The following ELAPOR2 variants were observed in gnomAD, a reference collection of about 807,000 sequenced individuals.
The protein encoded by ELAPOR2 is endosome/lysosome-associated apoptosis and autophagy regulator family member 2.
Under a neutral mutation model 120.7 loss-of-function variants are expected in ELAPOR2, and 89 were observed. The ratio of observed to expected loss-of-function variants is 0.74; its 90% confidence interval spans 0.62 to 0.88. The LOEUF is 0.88. ELAPOR2 is among the 40% of genes least tolerant of loss of function. The pLI, the probability that ELAPOR2 is intolerant of heterozygous loss-of-function variation, is 0.00. For synonymous variants in ELAPOR2, 444 were observed against 444.9 expected (o/e 1.00, Z 0.03); for missense variants, 1,134 against 1,251.6 (o/e 0.91, Z 1.42).
intron 1 of ELAPOR2, among the ~76,000 whole-genome samples, chr7:87,033,175 A>G (rs987764708): frequency 6.6e-6 from 1 of 152,200 alleles, no homozygotes; most frequent in Non-Finnish European, 1.5e-5. Context: ...AGACAAATCT[A>G]TCCCAGCTTT....
chr7:86,958,103 A>G (rs1033454168), intron 2 of ELAPOR2, among the ~76,000 whole-genome samples: 4 of 152,144 alleles, frequency 2.6e-5, no homozygotes, highest in Non-Finnish European at 5.9e-5. Flanking sequence ...AATATATACT[A>G]GCAGTGTATT....
intron 1 of ELAPOR2, among the ~76,000 whole-genome samples, chr7:86,985,089 A>C (rs1399201561): frequency 2.0e-5 from 3 of 152,212 alleles, no homozygotes; most frequent in Non-Finnish European, 4.4e-5. Context: ...ATCTAGAAGA[A>C]ATTGATAAAT....
chr7:86,986,226 G>A (rs1158821766), intron 1 of ELAPOR2, among the ~76,000 whole-genome samples: 2 of 120,504 alleles, frequency 1.7e-5, no homozygotes, highest in African/African-American at 3.8e-5. Flanking sequence ...TCAGGAGATC[G>A]AGACCATCCC....
intron 1 of ELAPOR2, among the ~76,000 whole-genome samples, chr7:86,982,438 T>A (rs905272480): frequency 3.3e-5 from 5 of 152,118 alleles, no homozygotes; most frequent in African/African-American, 9.7e-5. Flanking sequence ...TATAGGTGGG[T>A]GCCCCTCTGG....
intron 21 of ELAPOR2, among the ~76,000 whole-genome samples, chr7:86,886,724 G>A (rs1387419139): frequency 1.3e-5 from 2 of 152,138 alleles, no homozygotes; most frequent in African/African-American, 4.8e-5. Context: ...TGCCCCAGTG[G>A]CATGTAGGCC....
At chr7:86,984,459 A>C (rs1164759572) in intron 1 of ELAPOR2, among the ~76,000 whole-genome samples, 1 of 152,232 alleles carries the variant, frequency 6.6e-6, no homozygotes, top group Non-Finnish European at 1.5e-5. Context: ...GGCAAATGTA[A>C]AAGAACAGAA....
intron 16 of ELAPOR2, among the ~76,000 whole-genome samples, chr7:86,908,828 G>A (rs534793477): frequency 6.6e-5 from 10 of 152,118 alleles, no homozygotes; most frequent in East Asian, 5.8e-4. Flanking sequence ...GATAATCTAC[G>A]AAGTTCGTTT....
intron 2 of ELAPOR2, among the ~76,000 whole-genome samples, chr7:86,951,294 G>T (rs1355940600): frequency 6.6e-6 from 1 of 152,108 alleles, no homozygotes; most frequent in Non-Finnish European, 1.5e-5. Flanking sequence ...AAGTTATCTT[G>T]GAAGACAGTT....
At chr7:86,992,019 A>G (rs543639089) in intron 1 of ELAPOR2, among the ~76,000 whole-genome samples, 1 of 152,386 alleles carries the variant, frequency 6.6e-6, no homozygotes, top group South Asian at 2.1e-4. Flanking sequence ...AAATGGGGAT[A>G]ATAGATATTG....
chr7:86,939,048 AG>A (rs1240093913), intron 6 of ELAPOR2, 88 bp from the exon 7 acceptor site: 1 of 1,414,404 alleles, frequency 7.1e-7, no homozygotes, highest in Non-Finnish European at 9.8e-7. Flanking sequence ...CCCAGAAGTG[AG>A]GGAGATATAT....
chr7:86,935,425 C>T (rs1163225749), intron 8 of ELAPOR2, among the ~76,000 whole-genome samples: 1 of 152,028 alleles, frequency 6.6e-6, no homozygotes, highest in Non-Finnish European at 1.5e-5. Flanking sequence ...TGAGGCCTTC[C>T]CAGACTGGGT....
chr7:86,970,344 T>C (rs969746315), intron 1 of ELAPOR2, among the ~76,000 whole-genome samples: 12 of 152,196 alleles, frequency 7.9e-5, no homozygotes, highest in Non-Finnish European at 1.5e-4. Context: ...GTAATTAATT[T>C]TCTTCATTTC....
At chr7:87,000,507 T>C (rs1463563458) in intron 1 of ELAPOR2, among the ~76,000 whole-genome samples, 2 of 152,174 alleles carry the variant, frequency 1.3e-5, no homozygotes, top group South Asian at 4.1e-4. Flanking sequence ...CCCTGCAATG[T>C]CACCAATTTG....
chr7:87,052,287 C>T (rs1349176151), intron 1 of ELAPOR2, among the ~76,000 whole-genome samples: 7 of 152,218 alleles, frequency 4.6e-5, no homozygotes, highest in Admixed American at 2.0e-4. Flanking sequence ...AAAGGCACAT[C>T]TCACATGGCG....
rs1000586310 is a variant in ELAPOR2 at position 86,980,398 on chromosome 7, T to C, written c.190-15374A>G. On this transcript the variant is annotated intron_variant, in intron 1 of 21. Coordinates refer to ENST00000450689, the MANE Select transcript of ELAPOR2 (RefSeq NM_001142749.3). ...ATACATTTGAGGCAGTTCCCTCTTT[T>C]ATTACTTGCTTTTAGTACTTCAGCA... is the stretch of plus-strand genomic sequence containing the variant. Among the ~76,000 whole-genome samples the C allele has an allele frequency of 7.9e-5, 12 of 152,316 alleles. No individual in the cohort carries two copies. In the East Asian group the frequency reaches 1.5e-3, roughly 20 times the overall value.
In ELAPOR2 at chr7:86,908,481, T is replaced by C. The variant is rs1407260418; in HGVS notation, c.2422A>G (p.Thr808Ala). The change falls in exon 17 of 22, where the codon ACA becomes GCA. Residue 808 changes from threonine (T) to alanine (A), a missense_variant. Transcript: ENST00000450689. The part of the protein sequence containing the change: ...NIKEDMFPVP[T>A]SQIPDVHFFY... ...AAATGCACATCTGGTATTTGGCTTG[T>C]TGGAACTGGGAACATATCTTCTTTT... The C allele has an allele frequency of 6.3e-7, 1 of 1,588,912 alleles. No individual in the cohort carries two copies. Among genetic ancestry groups the C allele is most frequent in the Non-Finnish European group, 8.6e-7 (1 of 1,166,084 alleles).
intron 12 of ELAPOR2, 67 bp from the exon 13 acceptor site, chr7:86,914,927 T>TTA: frequency 2.5e-6 from 3 of 1,212,704 alleles, no homozygotes; most frequent in Non-Finnish European, 3.5e-6. Context: ...CCTGTGTATA[T>TTA]ATTACAAATG....
chr7:87,015,608 G>A (rs1793841157), intron 1 of ELAPOR2, among the ~76,000 whole-genome samples: 1 of 152,174 alleles, frequency 6.6e-6, no homozygotes, highest in Middle Eastern at 3.4e-3. Context: ...CCAACATGGT[G>A]AAACCCTGCC....
At chr7:87,019,126 A>G in intron 1 of ELAPOR2, among the ~76,000 whole-genome samples, 1 of 152,174 alleles carries the variant, frequency 6.6e-6, no homozygotes, top group Non-Finnish European at 1.5e-5. Context: ...TATTTCTAAC[A>G]GATTGTCAAG....
Sources: gnomAD v4.1 joint callset for allele counts (sites outside exome capture counted in the v4.1 genomes callset) on GRCh38, gnomAD v4.1.1 for gene constraint, MANE v1.5 for transcripts, NCBI Gene and HGNC (gene_info 2026-07-23, HGNC 2026-07-21) for gene names.